NEO1: variants seen among roughly 807,000 people sequenced by gnomAD.
NEO1 encodes neogenin 1.
A neutral mutation model predicts 159.7 loss-of-function variants in NEO1; 63 were observed. The observed-to-expected ratio is 0.39, with a 90% confidence interval of 0.32 to 0.49. The LOEUF (loss-of-function observed/expected upper bound fraction) is 0.49. NEO1 is among the 20% of genes least tolerant of loss of function. The pLI, the probability that NEO1 is intolerant of heterozygous loss-of-function variation, is 0.85. For synonymous variants in NEO1, 633 were observed against 662.0 expected (o/e 0.96, Z 0.67); for missense variants, 1,615 against 1,831.0 (o/e 0.88, Z 2.15).
chr15:73,262,110 T>C (rs35608416), intron 15 of NEO1, among the ~76,000 whole-genome samples: 43,947 of 152,078 alleles, frequency 0.29, 7,416 homozygotes, highest in East Asian at 0.57. Flanking sequence ...TTACGCTATA[T>C]GCAAAAACAG....
intron 4 of NEO1, among the ~76,000 whole-genome samples, chr15:73,134,755 T>C (rs1420993287): frequency 6.6e-6 from 1 of 152,030 alleles, no homozygotes; most frequent in Non-Finnish European, 1.5e-5. Context: ...TCTCCTGTAA[T>C]CCCAGCACTT....
intron 7 of NEO1, among the ~76,000 whole-genome samples, chr15:73,235,337 ACT>A (rs2039113370): frequency 6.6e-6 from 1 of 152,130 alleles, no homozygotes; most frequent in Admixed American, 6.5e-5. Flanking sequence ...TTAAACTTGT[ACT>A]CTCTAACTCC....
At chr15:73,260,121 T>A in intron 14 of NEO1, 150 bp from the exon 15 acceptor site, 1 of 531,356 alleles carries the variant, frequency 1.9e-6, no homozygotes, top group Non-Finnish European at 3.2e-6. Flanking sequence ...TATTTCACTA[T>A]ACATACAGAT....
At chr15:73,085,692 A>G (rs930774741) in intron 1 of NEO1, among the ~76,000 whole-genome samples, 1 of 152,128 alleles carries the variant, frequency 6.6e-6, no homozygotes, top group Non-Finnish European at 1.5e-5. Context: ...GTGATGTCTC[A>G]TAGTTTTAAA....
intron 7 of NEO1, among the ~76,000 whole-genome samples, chr15:73,227,662 G>A (rs554235407): frequency 2.0e-5 from 3 of 152,334 alleles, no homozygotes; most frequent in Admixed American, 2.0e-4. Context: ...AGAGCGGACA[G>A]CAATGCTCAC....
chr15:73,260,313 C>T lies in NEO1; in HGVS notation c.2246C>T (p.Pro749Leu). 1 of 1,613,906 alleles carries T rather than the reference C, an allele frequency of 6.2e-7. No homozygotes were observed. The highest frequency in any genetic ancestry group is 1.3e-5 in the African/African-American group (1 of 75,012). The change falls in exon 15 of 29, where the codon CCG becomes CTG. Residue 749 changes from proline to leucine, a missense_variant. By Grantham distance (98) the Pro-to-Leu change is moderately conservative (BLOSUM62 -3). This residue lies in a region of NEO1 where 1,018 missense variants were observed against 1,115.4 expected (regional missense o/e 0.91). Coordinates refer to ENST00000261908, the MANE Select transcript of NEO1 (RefSeq NM_002499.4). ...PEVPSSLHVRPLVTSIVVSWT... is the reference protein window; with the variant it reads ...PEVPSSLHVRLLVTSIVVSWT... ...GTGCCTAGCTCTCTTCACGTACGCC[C>T]GCTCGTTACTAGCATCGTAGTGAGC...
At chr15:73,149,062 A>G (rs2033156397) in intron 5 of NEO1, among the ~76,000 whole-genome samples, 1 of 152,030 alleles carries the variant, frequency 6.6e-6, no homozygotes, top group South Asian at 2.1e-4. Flanking sequence ...CATGCCTGTA[A>G]TCTCAGCACT....
At chr15:73,078,126 G>A (rs4625692) in intron 1 of NEO1, among the ~76,000 whole-genome samples, 36,322 of 152,066 alleles carry the variant, frequency 0.24, 5,355 homozygotes, top group African/African-American at 0.4. Flanking sequence ...TGATCTGACA[G>A]TGGTGTATAC....
intron 13 of NEO1, among the ~76,000 whole-genome samples, chr15:73,257,476 G>A (rs879869685): frequency 7.2e-5 from 11 of 152,066 alleles, no homozygotes; most frequent in Non-Finnish European, 1.5e-4. Flanking sequence ...AGTATACAAC[G>A]TTGAACAAAA....
At position 73,105,119 on chromosome 15, in the gene NEO1, T is replaced by C. The variant is rs955943151; in HGVS notation, c.131-11421T>C. Among the ~76,000 whole-genome samples the C allele has an allele frequency of 2.6e-5, 4 of 152,214 alleles. No individual in the cohort carries two copies. In the East Asian group the frequency reaches 7.7e-4, roughly 29 times the overall value. ...TTCTTGAAAAATCTTATCTACTCAG[T>C]ATCAGTGAAGTGTTTTCATTATAAG... On this transcript the variant is annotated intron_variant, in intron 1 of 28. Transcript: ENST00000261908.
chr15:73,119,468 A>G (rs988737308), intron 2 of NEO1, among the ~76,000 whole-genome samples: 1 of 152,128 alleles, frequency 6.6e-6, no homozygotes, highest in Non-Finnish European at 1.5e-5. Flanking sequence ...TTTCTCCACA[A>G]CCAAAATTTC....
At chr15:73,295,716 T>G (rs564482447) in intron 26 of NEO1, among the ~76,000 whole-genome samples, 2 of 152,166 alleles carry the variant, frequency 1.3e-5, no homozygotes, top group Non-Finnish European at 2.9e-5. Flanking sequence ...TTTTTCACGA[T>G]TGTACTTTGC....
chr15:73,121,276 T>G (rs894652338), intron 2 of NEO1, among the ~76,000 whole-genome samples: 1 of 152,202 alleles, frequency 6.6e-6, no homozygotes, highest in Admixed American at 6.5e-5. Context: ...ACTTGGTGGC[T>G]GTGTCCTTTA....
At chr15:73,245,824 G>A (rs919477667) in intron 9 of NEO1, among the ~76,000 whole-genome samples, 2 of 151,328 alleles carry the variant, frequency 1.3e-5, no homozygotes, top group South Asian at 2.1e-4. Flanking sequence ...CTCGTGATCC[G>A]CCCGCCTCGG....
At chr15:73,054,788 G>T (rs1300261604) in intron 1 of NEO1, among the ~76,000 whole-genome samples, 3 of 152,200 alleles carry the variant, frequency 2.0e-5, no homozygotes, top group Non-Finnish European at 4.4e-5. Flanking sequence ...GGTCAGTTCT[G>T]CCATAAAACT....
chr15:73,289,140 A>T lies in NEO1; in HGVS notation c.3650-6A>T, dbSNP rs552174854. The stretch of plus-strand genomic sequence containing the variant: ...CTGGTAACTAACCTCCACGTTTAAC[A>T]TCTAGGGCATGAGTCAGAGGACAGC... On this transcript the variant is annotated splice_region_variant and splice_polypyrimidine_tract_variant and intron_variant, in intron 24 of 28. Coordinates refer to ENST00000261908, the MANE Select transcript of NEO1 (RefSeq NM_002499.4). 6 of 1,613,772 alleles carry T rather than the reference A, an allele frequency of 3.7e-6. No individual in the cohort carries two copies. Among genetic ancestry groups the T allele is most frequent in the Non-Finnish European group, 5.1e-6 (6 of 1,179,732 alleles).
At chr15:73,260,558 G>A (rs1404524420) in intron 15 of NEO1, 93 bp downstream of exon 15, 13 of 1,149,418 alleles carry the variant, frequency 1.1e-5, no homozygotes, top group East Asian at 2.6e-5. Context: ...AGAAAATTGC[G>A]AAAATAGTAC....
chr15:73,133,185 A>G (rs1250010697), intron 4 of NEO1, among the ~76,000 whole-genome samples: 1 of 152,092 alleles, frequency 6.6e-6, no homozygotes, highest in Non-Finnish European at 1.5e-5. Context: ...ATATATATAT[A>G]TACGTATATA....
intron 1 of NEO1, among the ~76,000 whole-genome samples, chr15:73,070,789 C>T (rs1316121400): frequency 6.6e-6 from 1 of 152,144 alleles, no homozygotes; most frequent in African/African-American, 2.4e-5. Flanking sequence ...CTCTCTGTCT[C>T]ACAGATTATC....
Sources: gnomAD v4.1 joint callset for allele counts (sites outside exome capture counted in the v4.1 genomes callset) on GRCh38, gnomAD v4.1.1 for gene constraint, gnomAD v4.1.1 regional missense constraint, MANE v1.5 for transcripts, NCBI Gene and HGNC (gene_info 2026-07-23, HGNC 2026-07-21) for gene names.